MYH15: variants seen among roughly 807,000 people sequenced by gnomAD.
MYH15 encodes the protein myosin-15.
In MYH15, 227 loss-of-function variants were observed where a neutral mutation model predicts 240.5. The observed-to-expected ratio is 0.94, with a 90% confidence interval of 0.85 to 1.05. The LOEUF (loss-of-function observed/expected upper bound fraction) is 1.05. Ranked by LOEUF, MYH15 falls within the 50% of genes least tolerant of loss-of-function variation. The pLI is 0.00. For missense variants in MYH15, 2,217 were observed against 2,247.5 expected, an observed-to-expected ratio of 0.99 and a Z score of 0.27; for synonymous variants, 785 against 796.7, an observed-to-expected ratio of 0.99 and a Z score of 0.25.
chr3:108,489,444 G>A lies in MYH15; in HGVS notation c.872-2918C>T, dbSNP rs543927387. ...ATATGTAGGACCAAGCTATACAGAC[G>A]GCAGTAAGAACTAAGGATTTTGAAT... On this transcript the variant is annotated intron_variant, in intron 9 of 40. Coordinates refer to ENST00000693548, the MANE Select transcript of MYH15 (RefSeq NM_014981.3). 9.9e-5 allele frequency among the ~76,000 whole-genome samples: 15 copies of A among 152,238 alleles called. No individual in the cohort carries two copies. In the South Asian group the frequency reaches 1.2e-3, roughly 13 times the overall value.
Position 108,470,043 on chromosome 3 carries a change from T to C in MYH15, c.1553A>G (p.Lys518Arg), listed in dbSNP as rs1278693369. The C allele has an allele frequency of 6.3e-7, 1 of 1,591,682 alleles. No individual in the cohort carries two copies. The highest frequency in any genetic ancestry group is 1.9e-5 in the Admixed American group (1 of 53,680). The change falls in exon 14 of 41, where the codon AAG becomes AGG. Residue 518 changes from lysine to arginine, a missense_variant and splice_region_variant. Coordinates refer to ENST00000693548, the MANE Select transcript of MYH15 (RefSeq NM_014981.3). Reference protein sequence around the residue: ...DLQACIDLIEKPMGILSILEE... With the variant: ...DLQACIDLIERPMGILSILEE... Reference sequence around the variant, plus strand: ...GACAAAGAGAAAAACATATATTACCTTCTCAATGAGATCTATGCAAGCTTG... The same window carrying C: ...GACAAAGAGAAAAACATATATTACCCTCTCAATGAGATCTATGCAAGCTTG...
At chr3:108,412,555 C>T (rs1048457471) in intron 30 of MYH15, among the ~76,000 whole-genome samples, 3 of 152,158 alleles carry the variant, frequency 2.0e-5, no homozygotes, top group African/African-American at 7.2e-5. Flanking sequence ...ACATCCAGGG[C>T]AAACTGGACA....
intron 11 of MYH15, among the ~76,000 whole-genome samples, chr3:108,476,957 A>G (rs1280544687): frequency 6.6e-6 from 1 of 152,156 alleles, no homozygotes; most frequent in Non-Finnish European, 1.5e-5. Flanking sequence ...GAACCCAGCA[A>G]TATCACTTTT....
intron 1 of MYH15, 84 bp downstream of exon 1, chr3:108,510,359 G>T: frequency 6.6e-7 from 1 of 1,511,224 alleles, no homozygotes; most frequent in South Asian, 1.3e-5. Flanking sequence ...TAGAACTGAT[G>T]GCTCTTCTCT....
chr3:108,542,879 T>TC, the MYH15 span, among the ~76,000 whole-genome samples: 1 of 139,440 alleles, frequency 7.2e-6, no homozygotes, highest in African/African-American at 2.7e-5. Flanking sequence ...ATGATCTCGT[T>TC]CCTTTTTTTT....
chr3:108,432,305 C>T (rs563635890), intron 25 of MYH15, among the ~76,000 whole-genome samples: 6 of 152,170 alleles, frequency 3.9e-5, no homozygotes, highest in South Asian at 4.1e-4. Flanking sequence ...GCAATCTGGC[C>T]GCCTTGGCCT....
the MYH15 span, among the ~76,000 whole-genome samples, chr3:108,546,317 A>G: frequency 6.6e-6 from 1 of 152,232 alleles, no homozygotes; most frequent in African/African-American, 2.4e-5. Flanking sequence ...TGAGAAAAGC[A>G]TAACACTACT....
intron 36 of MYH15, 50 bp downstream of exon 36, chr3:108,393,981 C>A (rs374299927): frequency 1.2e-6 from 2 of 1,611,422 alleles, no homozygotes; most frequent in South Asian, 1.1e-5. Context: ...TTGGCCACTG[C>A]GCCAGTGAAC....
Position 108,399,171 on chromosome 3 carries a change from T to G in MYH15, c.4833A>C (p.Glu1611Asp). ...GGAGTTCCATCTCATTGAGGTCCTC[T>G]TCCATCTTCTTCTTCAGCCGGGTAA... ...IEVTRLKKKM[E>D]EDLNEMELQL... The change falls in exon 34 of 41, where the codon GAA (glutamate) becomes GAC (aspartate). Residue 1611 changes from glutamate to aspartate, a missense_variant. Physicochemically the swap from Glu to Asp is conservative, Grantham distance 45. Coordinates refer to ENST00000693548, the MANE Select transcript of MYH15 (RefSeq NM_014981.3). The G allele has an allele frequency of 1.2e-6, 2 of 1,614,226 alleles. No individual in the cohort carries two copies. The highest frequency in any genetic ancestry group is 1.7e-6 in the Non-Finnish European group (2 of 1,180,028).
chr3:108,521,577 G>T (rs2083618137), intron 1 of MYH15, among the ~76,000 whole-genome samples: 1 of 152,148 alleles, frequency 6.6e-6, no homozygotes, highest in Non-Finnish European at 1.5e-5. Flanking sequence ...ATTGAGGGCA[G>T]AAGTAAACTA....
At chr3:108,492,228 T>C in intron 9 of MYH15, among the ~76,000 whole-genome samples, 1 of 89,790 alleles carries the variant, frequency 1.1e-5, no homozygotes, top group African/African-American at 4.4e-5. Flanking sequence ...ACACACACAC[T>C]CACTCACCTC....
intron 13 of MYH15, 85 bp downstream of exon 13, chr3:108,470,613 T>C (rs2083164194): frequency 6.9e-7 from 1 of 1,441,962 alleles, no homozygotes; most frequent in African/African-American, 1.4e-5. Context: ...TCCCCATGCT[T>C]TGACCATATT....
upstream of MYH15, among the ~76,000 whole-genome samples, chr3:108,532,002 T>C (rs1321779767): frequency 1.3e-5 from 2 of 152,092 alleles, no homozygotes; most frequent in African/African-American, 4.8e-5. Flanking sequence ...ACTCTCATCT[T>C]AGAATAAGTA....
At chr3:108,401,059 G>A (rs1317222091) in intron 33 of MYH15, among the ~76,000 whole-genome samples, 1 of 152,156 alleles carries the variant, frequency 6.6e-6, no homozygotes, top group Non-Finnish European at 1.5e-5. Context: ...TCTCATGCCT[G>A]TCCTTAGGCT....
chr3:108,461,225 T>A (rs1319516721), intron 16 of MYH15, among the ~76,000 whole-genome samples: 6 of 152,196 alleles, frequency 3.9e-5, no homozygotes, highest in Non-Finnish European at 5.9e-5. Flanking sequence ...ATGGCAGATG[T>A]CATGAAGCTC....
intron 21 of MYH15, among the ~76,000 whole-genome samples, chr3:108,449,507 A>C (rs958855678): frequency 9.2e-5 from 14 of 152,040 alleles, no homozygotes; most frequent in African/African-American, 3.4e-4. Flanking sequence ...TTTTCAATAA[A>C]TGGGGTTAGT....
chr3:108,410,526 C>A, intron 31 of MYH15, 57 bp downstream of exon 31: 1 of 1,297,118 alleles, frequency 7.7e-7, no homozygotes, highest in Non-Finnish European at 1.1e-6. Context: ...TGCCTGTAGC[C>A]AGGGCTCTTC....
chr3:108,453,234 T>C (rs1394014188), intron 21 of MYH15, among the ~76,000 whole-genome samples: 3 of 152,284 alleles, frequency 2.0e-5, no homozygotes, highest in South Asian at 2.1e-4. Flanking sequence ...GACCACTATA[T>C]GAGAGTCACA....
rs375911186 is a variant in MYH15, at chr3:108,416,956, A to G, written c.3830-26T>C. On this transcript the variant is annotated intron_variant, in intron 28 of 40. Coordinates refer to ENST00000693548, the MANE Select transcript of MYH15 (RefSeq NM_014981.3). ...CTACAGAAAGATTTCACAAAACTACATAATTACAGTCTTCCTATCTATTGC... is the reference window on the plus strand; with the variant it reads ...CTACAGAAAGATTTCACAAAACTACGTAATTACAGTCTTCCTATCTATTGC... The G allele has an allele frequency of 5.9e-6, 9 of 1,527,470 alleles. No individual in the cohort carries two copies. In the African/African-American group the frequency reaches 6.9e-5, roughly 12 times the overall value. 94.6% of individuals were successfully genotyped at this position (1,527,470 alleles called of 1,614,324 possible). A position where few individuals can be genotyped will look rare whatever the true frequency, so the allele number is the denominator to read the frequency against.
Sources: gnomAD v4.1 joint callset for allele counts (sites outside exome capture counted in the v4.1 genomes callset) on GRCh38, gnomAD v4.1.1 for gene constraint, MANE v1.5 for transcripts, NCBI Gene and HGNC (gene_info 2026-07-23, HGNC 2026-07-21) for gene names.